The following COL16A1 variants were observed in gnomAD, a reference collection of about 807,000 sequenced individuals.
COL16A1 encodes the protein collagen type XVI alpha 1 chain.
A neutral mutation model predicts 266.3 loss-of-function variants in COL16A1; 189 were observed. The ratio of observed to expected loss-of-function variants is 0.71; its 90% confidence interval spans 0.63 to 0.80. The LOEUF (loss-of-function observed/expected upper bound fraction) is 0.80, where lower values mean the gene tolerates loss of function less well. COL16A1 is among the 30% of genes least tolerant of loss of function. COL16A1 has a pLI of 0.00. For synonymous variants in COL16A1, 740 were observed against 782.3 expected, an observed-to-expected ratio of 0.95 and a Z score of 0.90; for missense variants, 1,928 against 2,122.4, an observed-to-expected ratio of 0.91 and a Z score of 1.80.
At position 31,682,887 on chromosome 1, in the gene COL16A1, C is replaced by A. The variant is rs1557661151; in HGVS notation, c.2538+47G>T. The stretch of plus-strand genomic sequence containing the variant: ...TGTGCCCTCTTCCCAGCAGAAACAT[C>A]CTTGGTTCCAGCAACACCACCAGCA... On this transcript the variant is annotated intron_variant, in intron 37 of 70. Transcript: ENST00000373672. 5.6e-6 allele frequency: 9 copies of A among 1,609,774 alleles called. No individual in the cohort carries two copies. In the South Asian group the frequency reaches 9.9e-5, roughly 18 times the overall value.
chr1:31,680,778 A>C, intron 39 of COL16A1, 127 bp downstream of exon 39: 1 of 1,558,988 alleles, frequency 6.4e-7, no homozygotes, highest in Non-Finnish European at 8.7e-7. Flanking sequence ...TCATGTGCAC[A>C]GGCTCCCCTG....
chr1:31,696,207 G>A, intron 8 of COL16A1, 66 bp from the exon 9 acceptor site: 1 of 1,463,764 alleles, frequency 6.8e-7, no homozygotes, highest in East Asian at 2.3e-5. Context: ...GCTGGAAAGG[G>A]GCACCCAGGC....
At position 31,665,219 on chromosome 1, in the gene COL16A1, G is replaced by A. The variant is rs749874505; in HGVS notation, c.3508C>T (p.Pro1170Ser). The A allele has an allele frequency of 5.0e-6, 8 of 1,597,412 alleles. No individual in the cohort carries two copies. In the East Asian group the frequency reaches 1.6e-4, roughly 31 times the overall value. Residue 1170 changes from proline (P) to serine (S), a missense_variant, in exon 56 of 71, where the codon CCA becomes TCA. By Grantham distance (74) the Pro-to-Ser change is moderately conservative (BLOSUM62 -1). This residue lies in a region of COL16A1 where 1,552 missense variants were observed against 1,637.2 expected (regional missense o/e 0.95). Transcript: ENST00000373672. Reference sequence around the variant, plus strand: ...GGGCCAGGTGATCCAACTTTGCCTGGGAATCCAGGGGGACCCTGTATCAAC... The same window carrying A: ...GGGCCAGGTGATCCAACTTTGCCTGAGAATCCAGGGGGACCCTGTATCAAC... ...FPGPPGPPGF[P>S]GKVGSPGPPG...
At chr1:31,673,463 C>G (rs16834667) in intron 44 of COL16A1, among the ~76,000 whole-genome samples, 8,585 of 152,298 alleles carry the variant, frequency 0.056, 827 homozygotes, top group African/African-American at 0.2. Flanking sequence ...CCTGCAATTT[C>G]TGAGGACTCA....
chr1:31,668,252 C>T lies in COL16A1; in HGVS notation c.3250-34G>A. 2 of 1,610,694 alleles carry T rather than the reference C, an allele frequency of 1.2e-6. No homozygotes were observed. The highest frequency in any genetic ancestry group is 1.7e-6 in the Non-Finnish European group (2 of 1,177,264). On this transcript the variant is annotated intron_variant, in intron 50 of 70. Transcript: ENST00000373672. The surrounding 1 kb of genome is among the most constrained non-coding windows in gnomAD (Gnocchi z 5.8). Reference sequence around the variant, plus strand: ...AAAGGCAGACATGATGGATAGCCCCCCAACATTTCTGTTCTCCCCTCGCTG... The same window carrying T: ...AAAGGCAGACATGATGGATAGCCCCTCAACATTTCTGTTCTCCCCTCGCTG...
Position 31,656,568 on chromosome 1 carries a change from T to C in COL16A1, c.4057-124A>G. ...CCCCCAGGTGTGTCCAGCCCAGCTC[T>C]GTGTGAGAAAGGAGCGCAGCCTCCC... On this transcript the variant is annotated intron_variant, in intron 65 of 70. Transcript: ENST00000373672. This position sits in a 1 kb window ranked among gnomAD's most constrained non-coding sequence, Gnocchi z 4.2. The C allele has an allele frequency of 7.0e-7, 1 of 1,431,678 alleles. No individual in the cohort carries two copies. Among genetic ancestry groups the C allele is most frequent in the Non-Finnish European group, 9.3e-7 (1 of 1,073,566 alleles). 88.7% of individuals were successfully genotyped at this position (1,431,678 alleles called of 1,614,324 possible). A position where few individuals can be genotyped will look rare whatever the true frequency, so the allele number is the denominator to read the frequency against.
At chr1:31,682,582 C>G (rs142564821) in intron 37 of COL16A1, among the ~76,000 whole-genome samples, 1 of 152,234 alleles carries the variant, frequency 6.6e-6, no homozygotes, top group African/African-American at 2.4e-5. Flanking sequence ...GTCAGACAGG[C>G]CTAGGTTGAA....
Position 31,652,538 on chromosome 1 carries a change from A to G in COL16A1, c.*113T>C. 3 of 1,178,016 alleles carry G rather than the reference A, an allele frequency of 2.5e-6. No individual in the cohort carries two copies. The allele number at this position is 1,178,016 out of a possible 1,614,324, so 73.0% of individuals were successfully genotyped here. On this transcript the variant is annotated 3_prime_UTR_variant, in exon 71 of 71. Coordinates refer to ENST00000373672, the MANE Select transcript of COL16A1 (RefSeq NM_001856.4). The surrounding 1 kb of genome is among the most constrained non-coding windows in gnomAD (Gnocchi z 4.8). ...TTATTATTTAAAAAATATTAACAGCAATTAAAAACAACAACAACAACAAAA... is the reference window on the plus strand; with the variant it reads ...TTATTATTTAAAAAATATTAACAGCGATTAAAAACAACAACAACAACAAAA...
chr1:31,679,732 A>G (rs764768791), intron 41 of COL16A1, 47 bp from the exon 42 acceptor site: 1 of 1,611,648 alleles, frequency 6.2e-7, no homozygotes, highest in South Asian at 1.1e-5. Context: ...GCTCTGCCCC[A>G]TGGCCGAGAG....
At position 31,692,089 on chromosome 1, in the gene COL16A1, T is replaced by C. The variant is rs368617037; in HGVS notation, c.1195-22A>G. On this transcript the variant is annotated intron_variant, in intron 16 of 70. Transcript: ENST00000373672. Reference sequence around the variant, plus strand: ...GGCCCTGGGGAAGGAAGAAGCAGAGTGACCAGGATGAGGGAAGGGCCTGGG... The same window carrying C: ...GGCCCTGGGGAAGGAAGAAGCAGAGCGACCAGGATGAGGGAAGGGCCTGGG... 1.7e-5 allele frequency: 27 copies of C among 1,612,950 alleles called. No homozygotes were observed. The African/African-American group carries it at 3.3e-4, about 20-fold the overall frequency.
In COL16A1 at chr1:31,655,343, G is replaced by A. The variant is rs201772427; in HGVS notation, c.4261C>T (p.Pro1421Ser). The A allele has an allele frequency of 2.8e-4, 446 of 1,613,686 alleles. 1 individual carries two copies. Among genetic ancestry groups the A allele is most frequent in the Middle Eastern group, 9.9e-4 (6 of 6,042 alleles). The change falls in exon 67 of 71, where the codon CCT (proline) becomes TCT (serine). Residue 1421 changes from proline to serine, a missense_variant. Pro to Ser is a moderately conservative substitution (Grantham distance 74). Transcript: ENST00000373672. ...HPGAPGPSGS[P>S]GLPGVPGSMG... ...GAGCCAGGCACACCAGGCAAGCCAG[G>A]GCTCCCCGAAGGCCCCGGAGCTCCA...
In COL16A1 at chr1:31,663,849, G is replaced by A. The variant is rs867418485; in HGVS notation, c.3556-1191C>T. ...GATTGGAATGTTTACCAGAAAAGGC[G>A]GGGGGAGGCAAGCAGCATAGCGGGG... On this transcript the variant is annotated intron_variant, in intron 56 of 70. Transcript: ENST00000373672. The surrounding 1 kb of genome is among the most constrained non-coding windows in gnomAD (Gnocchi z 4.9). 7.9e-5 allele frequency among the ~76,000 whole-genome samples: 12 copies of A among 152,256 alleles called. No individual in the cohort carries two copies. Among genetic ancestry groups the A allele is most frequent in the East Asian group, 3.9e-4 (2 of 5,188 alleles).
intron 56 of COL16A1, chr1:31,662,902 A>G: frequency 1.7e-6 from 1 of 582,052 alleles, no homozygotes. Flanking sequence ...GGGACAGGGC[A>G]TCTTCTCCAG....
chr1:31,653,688 GAAAT>G lies in COL16A1; in HGVS notation c.4535-16_4535-13del, dbSNP rs1557598891. 6 of 1,611,042 alleles carry G rather than the reference GAAAT, an allele frequency of 3.7e-6. No individual in the cohort carries two copies. Among genetic ancestry groups the G allele is most frequent in the East Asian group, 2.2e-5 (1 of 44,822 alleles). Reference sequence around the variant, plus strand: ...GGTACCAGGCAATCCTGGAACAAAAGAAATAAATAAGTCCTATCCCTGAGCAGAA... The same window carrying G: ...GGTACCAGGCAATCCTGGAACAAAAGAAATAAGTCCTATCCCTGAGCAGAA... On this transcript the variant is annotated splice_polypyrimidine_tract_variant and intron_variant, in intron 69 of 70. Transcript: ENST00000373672.
intron 68 of COL16A1, 67 bp from the exon 69 acceptor site, chr1:31,654,110 T>C: frequency 1.3e-6 from 2 of 1,552,970 alleles, no homozygotes; most frequent in Non-Finnish European, 1.7e-6. Context: ...TGACTGCAGA[T>C]GCTGCATATA....
intron 49 of COL16A1, among the ~76,000 whole-genome samples, chr1:31,669,215 G>A (rs1393336966): frequency 6.6e-6 from 1 of 152,144 alleles, no homozygotes; most frequent in Non-Finnish European, 1.5e-5. Flanking sequence ...TGGATCAGAT[G>A]TGTGCTTATT....
chr1:31,666,896 C>T (rs1284667454), intron 52 of COL16A1, among the ~76,000 whole-genome samples: 1 of 152,184 alleles, frequency 6.6e-6, no homozygotes, highest in African/African-American at 2.4e-5. Flanking sequence ...CTGGCAGCTC[C>T]CTCCCCCACG....
intron 12 of COL16A1, 97 bp downstream of exon 12, chr1:31,694,047 G>C: frequency 9.0e-7 from 1 of 1,112,660 alleles, no homozygotes; most frequent in Non-Finnish European, 1.3e-6. Flanking sequence ...GGCTCAGGTG[G>C]CCCTGATAGA....
chr1:31,671,570 C>G (rs1445552718), intron 48 of COL16A1, 45 bp downstream of exon 48: 1 of 1,613,116 alleles, frequency 6.2e-7, no homozygotes, highest in African/African-American at 1.3e-5. Context: ...TGTAATGACC[C>G]CTTTGAGAGC....
Sources: allele counts gnomAD v4.1 joint callset (sites outside exome capture counted in the v4.1 genomes callset), GRCh38; gene constraint gnomAD v4.1.1; regional missense constraint gnomAD v4.1.1; non-coding constraint Gnocchi (gnomAD v3.1); transcripts MANE v1.5; gene names NCBI Gene and HGNC (gene_info 2026-07-23, HGNC 2026-07-21).